The following NINL variants were observed in gnomAD, a reference collection of about 807,000 sequenced individuals.
NINL encodes the protein ninein like, also known as ninein-like protein.
A neutral mutation model predicts 160.3 loss-of-function variants in NINL; 153 were observed. The observed-to-expected ratio is 0.95, with a 90% CI of 0.84 to 1.09. The LOEUF is 1.09. Ranked by LOEUF, NINL falls within the 50% of genes least tolerant of loss-of-function variation. The probability of loss-of-function intolerance (pLI) is 0.00; values close to 1 mark genes in which losing one functional copy is unlikely to be tolerated. For synonymous variants in NINL, 800 were observed against 734.8 expected (o/e 1.09, Z -1.43); for missense variants, 1,829 against 1,764.0 (o/e 1.04, Z -0.66).
intron 21 of NINL, among the ~76,000 whole-genome samples, chr20:25,460,967 C>A (rs2062770742): frequency 6.6e-6 from 1 of 152,208 alleles, no homozygotes; most frequent in South Asian, 2.1e-4. Context: ...ACCCCCTCCA[C>A]AAGCATCCCC....
intron 1 of NINL, among the ~76,000 whole-genome samples, chr20:25,561,299 G>A (rs1434106106): frequency 6.6e-6 from 1 of 152,140 alleles, no homozygotes; most frequent in Non-Finnish European, 1.5e-5. Flanking sequence ...TCGGCCTCCC[G>A]AGGTGCCGGG....
intron 13 of NINL, 68 bp downstream of exon 13, chr20:25,489,175 TG>T: frequency 7.0e-7 from 1 of 1,423,946 alleles, no homozygotes; most frequent in Non-Finnish European, 9.9e-7. Flanking sequence ...TGCGTTACTG[TG>T]GACCACCTGC....
intron 6 of NINL, among the ~76,000 whole-genome samples, chr20:25,504,654 C>T (rs1455908949): frequency 1.3e-5 from 2 of 152,216 alleles, no homozygotes; most frequent in Non-Finnish European, 2.9e-5. Flanking sequence ...GTGCCTGCTA[C>T]ACCTGAGCGT....
chr20:25,455,626 G>A (rs752076468), intron 23 of NINL, 47 bp downstream of exon 23: 7 of 1,382,972 alleles, frequency 5.1e-6, no homozygotes, highest in African/African-American at 2.8e-5. Flanking sequence ...AGTGGAGAGC[G>A]TTCAGAAGAG....
At chr20:25,521,847 A>T (rs78273961) in intron 2 of NINL, among the ~76,000 whole-genome samples, 268 of 152,308 alleles carry the variant, frequency 1.8e-3, no homozygotes, top group Non-Finnish European at 3.1e-3. Context: ...TCAGTTGCTT[A>T]CTTAAAATCA....
intron 1 of NINL, among the ~76,000 whole-genome samples, chr20:25,534,470 G>A (rs765231717): frequency 3.9e-5 from 6 of 152,184 alleles, no homozygotes; most frequent in African/African-American, 7.2e-5. Flanking sequence ...TGATTTTGTT[G>A]TTATGCAAAC....
intron 4 of NINL, among the ~76,000 whole-genome samples, chr20:25,511,683 A>G (rs996360708): frequency 1.3e-5 from 2 of 152,204 alleles, no homozygotes; most frequent in African/African-American, 4.8e-5. Context: ...CACCACAAGG[A>G]GGAGATTCAC....
chr20:25,505,177 G>T, intron 5 of NINL, 99 bp from the exon 6 acceptor site: 1 of 1,117,820 alleles, frequency 8.9e-7, no homozygotes, highest in Non-Finnish European at 1.2e-6. Context: ...CCAACAGCGT[G>T]AATGAATGTG....
intron 10 of NINL, among the ~76,000 whole-genome samples, chr20:25,495,443 G>A (rs2063732676): frequency 6.6e-6 from 1 of 152,228 alleles, no homozygotes. Context: ...ATGGCAGCGA[G>A]TGCTGTGTCT....
rs996339176 is a variant in NINL at position 25,476,305 on chromosome 20, C to G, written c.2986G>C (p.Glu996Gln). ...WSRGTQEQASEQQARAEGALE... is the reference protein window; with the variant it reads ...WSRGTQEQASQQQARAEGALE... ...GCGCCCTCGGCCCGGGCCTGCTGCT[C>G]CGAGGCCTGCTCCTGGGTGCCCCTG... Residue 996 changes from glutamate to glutamine, a missense_variant, in exon 17 of 24, where the codon GAG becomes CAG. Coordinates refer to ENST00000278886, the MANE Select transcript of NINL (RefSeq NM_025176.6). 6.2e-7 allele frequency: 1 copy of G among 1,613,286 alleles called. No individual in the cohort carries two copies. Among genetic ancestry groups the G allele is most frequent in the Non-Finnish European group, 8.5e-7 (1 of 1,179,962 alleles).
intron 1 of NINL, among the ~76,000 whole-genome samples, chr20:25,533,017 C>T (rs910087223): frequency 6.6e-6 from 1 of 152,132 alleles, no homozygotes; most frequent in Non-Finnish European, 1.5e-5. Flanking sequence ...GAAAGCGGCC[C>T]GGCTCAGCCA....
chr20:25,549,325 C>A (rs1181494703), intron 1 of NINL, among the ~76,000 whole-genome samples: 1 of 151,674 alleles, frequency 6.6e-6, no homozygotes, highest in Non-Finnish European at 1.5e-5. Context: ...GCACACATGG[C>A]CACAGCTCCC....
intron 1 of NINL, among the ~76,000 whole-genome samples, chr20:25,553,142 T>C (rs937159341): frequency 2.6e-4 from 36 of 140,980 alleles, no homozygotes; most frequent in African/African-American, 9.0e-4. Context: ...TCTTGCTATG[T>C]GGCCCAGGCT....
intron 10 of NINL, among the ~76,000 whole-genome samples, chr20:25,492,852 T>G (rs530213185): frequency 6.6e-6 from 1 of 152,328 alleles, no homozygotes; most frequent in Non-Finnish European, 1.5e-5. Context: ...CTGGTTTTAT[T>G]TTTCCTTTAA....
intron 3 of NINL, among the ~76,000 whole-genome samples, chr20:25,515,340 C>T (rs1192257327): frequency 6.6e-6 from 1 of 152,224 alleles, no homozygotes; most frequent in Non-Finnish European, 1.5e-5. Flanking sequence ...GCCAATTTCT[C>T]CCTTTTGGAA....
intron 1 of NINL, among the ~76,000 whole-genome samples, chr20:25,580,525 C>A (rs77376813): frequency 0.032 from 4,862 of 152,166 alleles, 235 homozygotes; most frequent in African/African-American, 0.11. Context: ...GGAAACGGGT[C>A]ACCTCGCTTG....
At chr20:25,465,943 G>A (rs1601012036) in intron 19 of NINL, among the ~76,000 whole-genome samples, 1 of 152,310 alleles carries the variant, frequency 6.6e-6, no homozygotes, top group East Asian at 1.9e-4. Context: ...AGTGTGGCGA[G>A]GCGGGAGATG....
intron 1 of NINL, among the ~76,000 whole-genome samples, chr20:25,529,667 C>T (rs1331948879): frequency 2.0e-5 from 3 of 151,992 alleles, no homozygotes; most frequent in South Asian, 2.1e-4. Flanking sequence ...GGTGAGACCC[C>T]GTCTCTACAA....
At chr20:25,547,093 A>G (rs1378249956) in intron 1 of NINL, among the ~76,000 whole-genome samples, 1 of 152,148 alleles carries the variant, frequency 6.6e-6, no homozygotes. Flanking sequence ...TTCCTGACAT[A>G]CAGCTCCCAA....
Sources: gnomAD v4.1 joint callset for allele counts (sites outside exome capture counted in the v4.1 genomes callset) on GRCh38, gnomAD v4.1.1 for gene constraint, MANE v1.5 for transcripts, NCBI Gene and HGNC (gene_info 2026-07-23, HGNC 2026-07-21) for gene names.